DOCK1: variants seen among roughly 807,000 people sequenced by gnomAD.
DOCK1 encodes the protein dedicator of cytokinesis 1.
In DOCK1, 138 loss-of-function variants were observed where a neutral mutation model predicts 262.7. That is an observed-to-expected ratio of 0.53 (90% CI 0.46 to 0.61). DOCK1 has a LOEUF of 0.61. Ranked by LOEUF, DOCK1 falls within the 20% of genes least tolerant of loss-of-function variation. The pLI, the probability that DOCK1 is intolerant of heterozygous loss-of-function variation, is 0.00. For missense variants in DOCK1, 1,908 were observed against 2,370.7 expected (o/e 0.80, Z 4.05); for synonymous variants, 866 against 867.4 (o/e 1.00, Z 0.03).
At chr10:127,161,867 A>T (rs1589707572) in intron 27 of DOCK1, among the ~76,000 whole-genome samples, 2 of 152,340 alleles carry the variant, frequency 1.3e-5, no homozygotes, top group East Asian at 3.9e-4. Flanking sequence ...ATGAAAAAAT[A>T]TAATTGAGAA....
At chr10:127,450,418 G>A (rs1340259549) in intron 51 of DOCK1, among the ~76,000 whole-genome samples, 1 of 152,134 alleles carries the variant, frequency 6.6e-6, no homozygotes, top group Non-Finnish European at 1.5e-5. Context: ...TCTGCCTGTG[G>A]CATGCTCCCA....
chr10:127,199,765 C>T (rs1184455273), intron 27 of DOCK1, among the ~76,000 whole-genome samples: 2 of 152,212 alleles, frequency 1.3e-5, no homozygotes, highest in African/African-American at 4.8e-5. Flanking sequence ...ATGCAGTTTT[C>T]CACCTATATA....
At chr10:127,075,905 A>G (rs2135963784) in intron 23 of DOCK1, among the ~76,000 whole-genome samples, 1 of 152,184 alleles carries the variant, frequency 6.6e-6, no homozygotes, top group East Asian at 1.9e-4. Flanking sequence ...GGCACTTTAT[A>G]CTTTTATTAT....
chr10:127,077,429 C>A, intron 23 of DOCK1, among the ~76,000 whole-genome samples: 1 of 152,158 alleles, frequency 6.6e-6, no homozygotes, highest in Non-Finnish European at 1.5e-5. Context: ...ACCAAGAAAG[C>A]AGTGCTAAGT....
intron 51 of DOCK1, 127 bp downstream of exon 51, chr10:127,447,672 G>A: frequency 7.1e-7 from 1 of 1,417,538 alleles, no homozygotes; most frequent in Non-Finnish European, 9.4e-7. Flanking sequence ...CATGTATGAT[G>A]GGCCCGGGTT....
intron 29 of DOCK1, among the ~76,000 whole-genome samples, chr10:127,286,638 G>A (rs1222748297): frequency 6.6e-6 from 1 of 151,960 alleles, no homozygotes; most frequent in Non-Finnish European, 1.5e-5. Context: ...GCAAATCTTA[G>A]GCATTATATC....
At chr10:127,227,204 G>A (rs995109091) in intron 27 of DOCK1, among the ~76,000 whole-genome samples, 1 of 152,112 alleles carries the variant, frequency 6.6e-6, no homozygotes, top group Non-Finnish European at 1.5e-5. Context: ...TGTAGTCTTC[G>A]GCCTTGCTGC....
chr10:127,230,176 G>GAT (rs1183854341), intron 27 of DOCK1, among the ~76,000 whole-genome samples: 1 of 152,096 alleles, frequency 6.6e-6, no homozygotes, highest in Non-Finnish European at 1.5e-5. Context: ...TCCCCTTTCA[G>GAT]ATATATGAAT....
intron 35 of DOCK1, among the ~76,000 whole-genome samples, chr10:127,375,024 G>C (rs1468339800): frequency 3.3e-5 from 5 of 152,268 alleles, no homozygotes; most frequent in Admixed American, 2.0e-4. Flanking sequence ...ACAGACGCCT[G>C]GGCGACCTTG....
intron 1 of DOCK1, among the ~76,000 whole-genome samples, chr10:126,968,996 CAT>C (rs1357554553): frequency 6.6e-6 from 1 of 152,154 alleles, no homozygotes; most frequent in African/African-American, 2.4e-5. Context: ...TTTTTGTGCA[CAT>C]GTGGCAATGT....
chr10:127,201,233 C>T (rs1022743192), intron 27 of DOCK1, among the ~76,000 whole-genome samples: 12 of 152,158 alleles, frequency 7.9e-5, no homozygotes, highest in Admixed American at 4.6e-4. Context: ...ATATTCTGCT[C>T]GAGCCTTCAC....
intron 38 of DOCK1, among the ~76,000 whole-genome samples, chr10:127,388,126 A>T (rs894671430): frequency 1.3e-5 from 2 of 152,168 alleles, no homozygotes; most frequent in African/African-American, 4.8e-5. Flanking sequence ...CCTTAGAAAA[A>T]ATGAATTCAA....
At chr10:127,363,246 A>G (rs1472099902) in intron 33 of DOCK1, among the ~76,000 whole-genome samples, 1 of 152,164 alleles carries the variant, frequency 6.6e-6, no homozygotes, top group Non-Finnish European at 1.5e-5. Flanking sequence ...GTGGTTGCCC[A>G]CGCCTGTAAT....
At position 127,052,807 on chromosome 10, in the gene DOCK1, G is replaced by T. The variant is rs763723669; in HGVS notation, c.2328G>T (p.Leu776=). 12 of 1,612,252 alleles carry T rather than the reference G, an allele frequency of 7.4e-6. No individual in the cohort carries two copies. The highest frequency in any genetic ancestry group is 8.5e-7 in the Non-Finnish European group (1 of 1,178,958). ...IFKFIVRSRI[L]FNQLYENKGE... is the part of the protein sequence containing the mutation. ...AGTTCATCGTGCGCTCCAGGATCCT[G>T]TTCAATCAGTGCGTACCTATCCCCT... Residue 776 remains leucine, a synonymous_variant, in exon 22 of 52, where the codon CTG becomes CTT. Transcript: ENST00000623213.
intron 31 of DOCK1, among the ~76,000 whole-genome samples, chr10:127,347,018 C>G (rs544712708): frequency 6.6e-6 from 1 of 152,232 alleles, no homozygotes; most frequent in Admixed American, 6.5e-5. Context: ...GCGGCACACA[C>G]GTGTGGAGGG....
intron 21 of DOCK1, among the ~76,000 whole-genome samples, chr10:127,045,210 A>T (rs1051404538): frequency 7.7e-6 from 1 of 130,032 alleles, no homozygotes; most frequent in African/African-American, 2.8e-5. Context: ...TAAAAAAAAA[A>T]AAAAAAAAAA....
At chr10:126,929,453 G>A (rs1416411049) in intron 1 of DOCK1, among the ~76,000 whole-genome samples, 1 of 152,120 alleles carries the variant, frequency 6.6e-6, no homozygotes, top group East Asian at 1.9e-4. Flanking sequence ...TTTGCTGTTG[G>A]CCAGAGAAGG....
At chr10:127,078,544 A>C (rs1173297796) in intron 23 of DOCK1, among the ~76,000 whole-genome samples, 1 of 152,192 alleles carries the variant, frequency 6.6e-6, no homozygotes, top group Non-Finnish European at 1.5e-5. Context: ...GTGTATGCGC[A>C]ATGTATTTGT....
chr10:126,969,656 G>T (rs938866290), intron 1 of DOCK1, among the ~76,000 whole-genome samples: 9 of 152,174 alleles, frequency 5.9e-5, no homozygotes, highest in South Asian at 2.1e-4. Flanking sequence ...GGTGCACCCA[G>T]TGGGAAGGCC....
Sources: allele counts gnomAD v4.1 joint callset (sites outside exome capture counted in the v4.1 genomes callset), GRCh38; gene constraint gnomAD v4.1.1; transcripts MANE v1.5; gene names NCBI Gene and HGNC (gene_info 2026-07-23, HGNC 2026-07-21).